PTPRG: variants seen among roughly 807,000 people sequenced by gnomAD.
The protein encoded by PTPRG is protein tyrosine phosphatase receptor type G, also known as receptor-type tyrosine-protein phosphatase gamma.
In PTPRG, 102 loss-of-function variants were observed where a neutral mutation model predicts 165.3. The ratio of observed to expected loss-of-function variants is 0.62; its 90% CI spans 0.53 to 0.73. The LOEUF is 0.73. Ranked by LOEUF, PTPRG falls within the 30% of genes least tolerant of loss-of-function variation. PTPRG has a pLI of 0.00. For synonymous variants in PTPRG, 675 were observed against 669.5 expected (o/e 1.01, Z -0.13); for missense variants, 1,866 against 1,861.4 (o/e 1.00, Z -0.05).
rs573118274 is a variant in PTPRG, at chr3:62,240,836, C to T, written c.2376-2971C>T. On this transcript the variant is annotated intron_variant, in intron 14 of 29. Transcript: ENST00000474889. The surrounding 1 kb of genome is among the most constrained non-coding windows in gnomAD (Gnocchi z 5.1). The stretch of plus-strand genomic sequence containing the variant: ...CCTCAGTGAAGTCCCTTCCTTCAGC[C>T]GACTTCATTTACCACCACATCATTC... Among the ~76,000 whole-genome samples, 28 of 152,294 alleles carry T rather than the reference C, an allele frequency of 1.8e-4. No homozygotes were observed. In the South Asian group the frequency reaches 5.2e-3, roughly 28 times the overall value.
chr3:62,201,518 A>G lies in PTPRG; in HGVS notation c.1341A>G (p.Arg447=), dbSNP rs1316597203. The G allele has an allele frequency of 1.1e-5, 17 of 1,611,224 alleles. No individual in the cohort carries two copies. Among genetic ancestry groups the G allele is most frequent in the Non-Finnish European group, 1.4e-5 (17 of 1,178,352 alleles). The change falls in exon 11 of 30, where the codon CGA becomes CGG. Residue 447 remains arginine, a synonymous_variant. Transcript: ENST00000474889. ...QTMLFQANTT[R]IFQGTRIVKT... ...TTTGTTTCTCAGCTAATACCACTCG[A>G]ATATTCCAAGGGACCAGAATAGTGA...
chr3:62,003,376 T>G lies in PTPRG; in HGVS notation c.398T>G (p.Phe133Cys). The G allele has an allele frequency of 6.2e-7, 1 of 1,614,040 alleles. No individual in the cohort carries two copies. Among genetic ancestry groups the G allele is most frequent in the African/African-American group, 1.3e-5 (1 of 75,060 alleles). ...GCCATCCTTCTGAAAGACGACTATT[T>G]TGTCAGTGGAGCTGGTCTACCTGGC... ...TVAILLKDDYFVSGAGLPGRF... is the reference protein window; with the variant it reads ...TVAILLKDDYCVSGAGLPGRF... The change falls in exon 4 of 30, where the codon TTT (phenylalanine) becomes TGT (cysteine). Residue 133 changes from phenylalanine (F) to cysteine (C), a missense_variant. Transcript: ENST00000474889.
intron 4 of PTPRG, among the ~76,000 whole-genome samples, chr3:62,036,983 G>GCACACACACACACA (rs10587372): frequency 9.4e-4 from 142 of 150,558 alleles, no homozygotes; most frequent in African/African-American, 2.9e-3. Flanking sequence ...GCGCGCGCAC[G>GCACACACACACACA]CACACACACA....
At chr3:62,015,350 A>G (rs1379602932) in intron 4 of PTPRG, among the ~76,000 whole-genome samples, 1 of 152,198 alleles carries the variant, frequency 6.6e-6, no homozygotes, top group Non-Finnish European at 1.5e-5. Flanking sequence ...AGGTGCGGTC[A>G]GCAGATAGGC....
intron 2 of PTPRG, among the ~76,000 whole-genome samples, chr3:61,772,669 T>A (rs1483042755): frequency 6.6e-6 from 1 of 152,204 alleles, no homozygotes; most frequent in Non-Finnish European, 1.5e-5. Flanking sequence ...TCCATGTTTT[T>A]AAAAATAACT....
intron 2 of PTPRG, among the ~76,000 whole-genome samples, chr3:61,786,255 C>A (rs1384581299): frequency 1.3e-5 from 2 of 152,140 alleles, no homozygotes; most frequent in East Asian, 3.8e-4. Flanking sequence ...GACACTTTAG[C>A]TTCTAAAAAA....
intron 13 of PTPRG, among the ~76,000 whole-genome samples, chr3:62,227,388 C>T (rs1700786991): frequency 6.6e-6 from 1 of 152,116 alleles, no homozygotes; most frequent in Non-Finnish European, 1.5e-5. Context: ...ACTGTGAAGA[C>T]GTAGGAAAGG....
At chr3:62,253,927 AC>A (rs1175172212) in intron 15 of PTPRG, among the ~76,000 whole-genome samples, 2 of 152,246 alleles carry the variant, frequency 1.3e-5, no homozygotes, top group Non-Finnish European at 2.9e-5. Flanking sequence ...CACATAAGTC[AC>A]CTTCCTAAAA....
chr3:61,671,000 C>A (rs976452394), intron 1 of PTPRG, among the ~76,000 whole-genome samples: 4 of 151,680 alleles, frequency 2.6e-5, no homozygotes, highest in Non-Finnish European at 4.4e-5. Context: ...AAATATGATT[C>A]AATTTGAGAA....
At chr3:62,041,698 A>C (rs574453652) in intron 4 of PTPRG, among the ~76,000 whole-genome samples, 1 of 152,302 alleles carries the variant, frequency 6.6e-6, no homozygotes, top group African/African-American at 2.4e-5. Context: ...TCCACCTGCA[A>C]AATCTTCTAT....
intron 1 of PTPRG, among the ~76,000 whole-genome samples, chr3:61,691,946 G>A (rs1345071660): frequency 2.0e-5 from 3 of 152,136 alleles, no homozygotes; most frequent in African/African-American, 4.8e-5. Flanking sequence ...CATCACACAC[G>A]GGTCGAAGAC....
chr3:61,607,319 A>C (rs374697911), intron 1 of PTPRG, among the ~76,000 whole-genome samples: 15 of 152,298 alleles, frequency 9.8e-5, no homozygotes, highest in African/African-American at 2.9e-4. Flanking sequence ...CCTTGACATG[A>C]GTATCCTTTA....
At chr3:61,650,899 A>G (rs1019865179) in intron 1 of PTPRG, among the ~76,000 whole-genome samples, 5 of 152,096 alleles carry the variant, frequency 3.3e-5, no homozygotes, top group Non-Finnish European at 7.3e-5. Flanking sequence ...AATTTTTACT[A>G]CCAATAAAAG....
chr3:61,970,653 G>A (rs1030025883), intron 2 of PTPRG, among the ~76,000 whole-genome samples: 1 of 150,182 alleles, frequency 6.7e-6, no homozygotes, highest in Non-Finnish European at 1.5e-5. Flanking sequence ...GCTTAACTGT[G>A]ATTTTTTTTT....
At chr3:62,264,593 A>G (rs991319576) in intron 17 of PTPRG, among the ~76,000 whole-genome samples, 1 of 152,084 alleles carries the variant, frequency 6.6e-6, no homozygotes, top group African/African-American at 2.4e-5. Flanking sequence ...AATGATTTCA[A>G]CACTCATCCA....
intron 26 of PTPRG, among the ~76,000 whole-genome samples, chr3:62,277,899 C>T (rs1702287354): frequency 6.6e-6 from 1 of 152,134 alleles, no homozygotes; most frequent in African/African-American, 2.4e-5. Flanking sequence ...TTGATATCAC[C>T]CTTCAATTGT....
intron 2 of PTPRG, among the ~76,000 whole-genome samples, chr3:61,791,428 T>A (rs1228131895): frequency 1.3e-5 from 2 of 152,266 alleles, no homozygotes; most frequent in Non-Finnish European, 2.9e-5. Flanking sequence ...GATAACCTGT[T>A]TGAGGCAAGA....
chr3:61,836,789 G>A (rs2036476995), intron 2 of PTPRG, among the ~76,000 whole-genome samples: 1 of 152,078 alleles, frequency 6.6e-6, no homozygotes, highest in Non-Finnish European at 1.5e-5. Context: ...CTGTCACCCA[G>A]GCTGGAGTGC....
chr3:62,231,024 G>A (rs1700890183), intron 13 of PTPRG, among the ~76,000 whole-genome samples: 1 of 152,112 alleles, frequency 6.6e-6, no homozygotes, highest in South Asian at 2.1e-4. Flanking sequence ...GTTCCCACTG[G>A]GTATTTCTTA....
Sources: allele counts gnomAD v4.1 joint callset (sites outside exome capture counted in the v4.1 genomes callset), GRCh38; gene constraint gnomAD v4.1.1; non-coding constraint Gnocchi (gnomAD v3.1); transcripts MANE v1.5; gene names NCBI Gene and HGNC (gene_info 2026-07-23, HGNC 2026-07-21).